Variants in ADRA1B observed in about 807,000 individuals in gnomAD.
ADRA1B encodes alpha-1B adrenergic receptor.
ADRA1B carries 17 observed loss-of-function variants against 17.9 expected under a neutral mutation model. That is an observed-to-expected ratio of 0.95 (90% CI 0.65 to 1.42). The LOEUF (loss-of-function observed/expected upper bound fraction) is 1.42. Among genes scored for constraint, ADRA1B ranks in the 40% most tolerant of loss-of-function variants. The probability of loss-of-function intolerance (pLI) is 0.00; values close to 1 mark genes in which losing one functional copy is unlikely to be tolerated. For synonymous variants in ADRA1B, 366 were observed against 327.6 expected, an observed-to-expected ratio of 1.12 and a Z score of -1.27; for missense variants, 681 against 722.1, an observed-to-expected ratio of 0.94 and a Z score of 0.65.
intron 1 of ADRA1B, chr5:159,951,426 A>G (rs1755436433): frequency 1.3e-6 from 1 of 771,182 alleles, no homozygotes; most frequent in East Asian, 2.5e-5. Context: ...ACTTTACTAG[A>G]GTTAAAAGCT....
chr5:159,945,698 T>G (rs1047655326), intron 1 of ADRA1B, among the ~76,000 whole-genome samples: 13 of 151,362 alleles, frequency 8.6e-5, no homozygotes, highest in South Asian at 2.1e-4. Context: ...CATGGGGGGG[T>G]TTTGGAAAGG....
intron 1 of ADRA1B, among the ~76,000 whole-genome samples, chr5:159,963,326 G>T (rs1426227008): frequency 8.3e-6 from 1 of 121,152 alleles, no homozygotes; most frequent in Non-Finnish European, 1.8e-5. Context: ...ACATAAGTAT[G>T]TATATTTTGT....
intron 1 of ADRA1B, among the ~76,000 whole-genome samples, chr5:159,892,717 C>G (rs925663567): frequency 6.6e-6 from 1 of 152,204 alleles, no homozygotes; most frequent in Non-Finnish European, 1.5e-5. Context: ...ACCATATTTT[C>G]TTTATTCAGT....
At chr5:159,911,101 G>T (rs1754222497) in intron 1 of ADRA1B, among the ~76,000 whole-genome samples, 1 of 152,142 alleles carries the variant, frequency 6.6e-6, no homozygotes, top group Non-Finnish European at 1.5e-5. Flanking sequence ...AGGTCATGGG[G>T]CAAACGGCTG....
At chr5:159,928,260 A>T (rs1754714271) in intron 1 of ADRA1B, among the ~76,000 whole-genome samples, 2 of 152,002 alleles carry the variant, frequency 1.3e-5, no homozygotes, top group African/African-American at 4.8e-5. Context: ...GGCCATCTTC[A>T]CCCCACCCAT....
At chr5:159,978,589 G>A in the ADRA1B span, among the ~76,000 whole-genome samples, 22 of 152,320 alleles carry the variant, frequency 1.4e-4, no homozygotes, top group Admixed American at 6.5e-4. Context: ...CAATAGCTAA[G>A]CTCTGTGGAT....
the ADRA1B span, among the ~76,000 whole-genome samples, chr5:159,987,929 C>T: frequency 3.3e-5 from 5 of 152,120 alleles, no homozygotes; most frequent in East Asian, 3.9e-4. Flanking sequence ...AGAATGCCCC[C>T]CCTCGGCCGG....
intron 1 of ADRA1B, among the ~76,000 whole-genome samples, chr5:159,934,318 G>T (rs1333992995): frequency 6.6e-6 from 1 of 152,190 alleles, no homozygotes; most frequent in Non-Finnish European, 1.5e-5. Flanking sequence ...GGTTGGGAAT[G>T]GCACTAAGCC....
chr5:159,958,908 G>A (rs998541556), intron 1 of ADRA1B, among the ~76,000 whole-genome samples: 2 of 152,162 alleles, frequency 1.3e-5, no homozygotes, highest in Non-Finnish European at 2.9e-5. Flanking sequence ...ATTCAGTCTG[G>A]CATCAAAGAT....
chr5:159,983,850 C>T, the ADRA1B span, among the ~76,000 whole-genome samples: 1 of 151,910 alleles, frequency 6.6e-6, no homozygotes, highest in Non-Finnish European at 1.5e-5. Flanking sequence ...GGTATTTCCC[C>T]TAATTAAAGC....
intron 1 of ADRA1B, among the ~76,000 whole-genome samples, chr5:159,886,325 CATTA>C (rs1402350445): frequency 6.6e-6 from 1 of 152,162 alleles, no homozygotes; most frequent in African/African-American, 2.4e-5. Flanking sequence ...CTTTTCAGCT[CATTA>C]ATTGACTTTT....
chr5:159,873,240 A>G (rs1807407), intron 1 of ADRA1B, among the ~76,000 whole-genome samples: 109,805 of 152,130 alleles, frequency 0.72, 41,378 homozygotes, highest in African/African-American at 0.88. Context: ...AAACATAAGT[A>G]TGCATGTGTC....
intron 1 of ADRA1B, among the ~76,000 whole-genome samples, chr5:159,911,399 G>A (rs1000282019): frequency 4.6e-5 from 7 of 152,098 alleles, no homozygotes; most frequent in Non-Finnish European, 8.8e-5. Context: ...TTCTCCGTCC[G>A]GCACCCTGTG....
At chr5:159,872,918 C>A (rs1004790182) in intron 1 of ADRA1B, among the ~76,000 whole-genome samples, 9 of 150,300 alleles carry the variant, frequency 6.0e-5, no homozygotes, top group African/African-American at 2.2e-4. Context: ...AATGCTCTCC[C>A]TCCCCTTGCC....
downstream of ADRA1B, among the ~76,000 whole-genome samples, chr5:159,976,133 G>A (rs992443559): frequency 6.6e-6 from 1 of 152,190 alleles, no homozygotes; most frequent in Non-Finnish European, 1.5e-5. Flanking sequence ...GGGATCAAAT[G>A]AGATCATGAG....
chr5:159,881,137 G>A lies in ADRA1B; in HGVS notation c.-256+15931G>A, dbSNP rs535339808. 1.5e-3 allele frequency among the ~76,000 whole-genome samples: 204 copies of A among 136,936 alleles called. No individual in the cohort carries two copies. The Middle Eastern group carries it at 0.019, about 13-fold the overall frequency. The allele number at this position is 136,936 out of a possible 152,430, so 89.8% of individuals were successfully genotyped here. The stretch of plus-strand genomic sequence containing the variant: ...TGCAGTGAGCCGAGATTGCGCCACT[G>A]CAGTCCGCAGTCCGGCCTGGGCGAC... On this transcript the variant is annotated intron_variant, in intron 1 of 2. Coordinates refer to the ADRA1B transcript ENST00000641205.
chr5:159,964,267 C>A (rs887554316), intron 1 of ADRA1B, among the ~76,000 whole-genome samples: 14 of 152,220 alleles, frequency 9.2e-5, no homozygotes, highest in African/African-American at 3.4e-4. Flanking sequence ...CCTCAGAGAG[C>A]AGTGCCTCTC....
intron 1 of ADRA1B, among the ~76,000 whole-genome samples, chr5:159,941,929 T>TC (rs2113233265): frequency 7.8e-6 from 1 of 128,946 alleles, no homozygotes; most frequent in East Asian, 2.1e-4. Flanking sequence ...CTTTTTTTTT[T>TC]TTTTTTTTTT....
the ADRA1B span, among the ~76,000 whole-genome samples, chr5:159,983,319 T>G: frequency 1.3e-5 from 2 of 152,188 alleles, no homozygotes; most frequent in Non-Finnish European, 1.5e-5. Flanking sequence ...AAGGCTTTCC[T>G]CTCCACCATC....
Sources: gnomAD v4.1 joint callset for allele counts (sites outside exome capture counted in the v4.1 genomes callset) on GRCh38, gnomAD v4.1.1 for gene constraint, MANE v1.5 for transcripts, NCBI Gene and HGNC (gene_info 2026-07-23, HGNC 2026-07-21) for gene names.